The following POC1B variants were observed in gnomAD, a reference collection of about 807,000 sequenced individuals.
POC1B encodes POC1 centriolar protein homolog B.
Under a neutral mutation model 60.6 loss-of-function variants are expected in POC1B, and 44 were observed. The ratio of observed to expected loss-of-function variants is 0.73; its 90% confidence interval spans 0.57 to 0.93. The LOEUF is 0.93. POC1B is among the 40% of genes least tolerant of loss of function. The probability of loss-of-function intolerance (pLI) is 0.00; values close to 1 mark genes in which losing one functional copy is unlikely to be tolerated. For missense variants in POC1B, 555 were observed against 572.3 expected, an observed-to-expected ratio of 0.97 and a Z score of 0.31; for synonymous variants, 180 against 198.9, an observed-to-expected ratio of 0.90 and a Z score of 0.80.
chr12:89,436,585 G>A (rs2120702030), intron 10 of POC1B, among the ~76,000 whole-genome samples: 1 of 152,140 alleles, frequency 6.6e-6, no homozygotes, highest in Non-Finnish European at 1.5e-5. Context: ...TTGGTGGCAT[G>A]TGCCTGTAGT....
chr12:89,443,773 T>C (rs535349395), intron 10 of POC1B, among the ~76,000 whole-genome samples: 3 of 151,350 alleles, frequency 2.0e-5, no homozygotes, highest in South Asian at 2.1e-4. Context: ...CTGAAGGAGA[T>C]AGAGACACAA....
intron 10 of POC1B, among the ~76,000 whole-genome samples, chr12:89,440,558 A>C (rs1327541144): frequency 6.6e-6 from 1 of 152,216 alleles, no homozygotes; most frequent in African/African-American, 2.4e-5. Flanking sequence ...ATTCTCTTAA[A>C]ATTCATTTCT....
chr12:89,435,402 A>G (rs576554448), intron 10 of POC1B, among the ~76,000 whole-genome samples: 28 of 152,304 alleles, frequency 1.8e-4, no homozygotes, highest in African/African-American at 6.5e-4. Context: ...GCTAGTCTCA[A>G]ACTCCTGACC....
intron 9 of POC1B, among the ~76,000 whole-genome samples, chr12:89,465,370 G>A (rs1882647788): frequency 6.6e-6 from 1 of 152,142 alleles, no homozygotes; most frequent in Admixed American, 6.6e-5. Flanking sequence ...AAGCAGTCTC[G>A]GGATCAGCCT....
chr12:89,425,134 A>G (rs778119537), intron 11 of POC1B, 27 bp downstream of exon 11: 15 of 1,607,724 alleles, frequency 9.3e-6, no homozygotes, highest in East Asian at 2.2e-5. Context: ...CCCCAAGTGC[A>G]ACTCATGCAA....
chr12:89,473,360 C>T (rs1882977812), intron 4 of POC1B, among the ~76,000 whole-genome samples: 1 of 152,164 alleles, frequency 6.6e-6, no homozygotes, highest in Non-Finnish European at 1.5e-5. Context: ...AAAGAAGTTC[C>T]ATGTGAAATA....
chr12:89,524,658 TC>T, intron 2 of POC1B: 2 of 1,175,086 alleles, frequency 1.7e-6, no homozygotes, highest in Non-Finnish European at 2.4e-6. Flanking sequence ...GTTCTTCCTT[TC>T]ATGCAGGCGC....
chr12:89,467,010 G>A, intron 8 of POC1B, 88 bp from the exon 9 acceptor site: 1 of 1,050,824 alleles, frequency 9.5e-7, no homozygotes, highest in Non-Finnish European at 1.3e-6. Flanking sequence ...ATACAGAATT[G>A]TCTCCCAAAG....
chr12:89,415,357 A>G (rs1327673940), downstream of POC1B, among the ~76,000 whole-genome samples: 1 of 152,206 alleles, frequency 6.6e-6, no homozygotes, highest in African/African-American at 2.4e-5. Flanking sequence ...ATTAATAACA[A>G]TAATAGCCGG....
chr12:89,411,633 C>T, the POC1B span, among the ~76,000 whole-genome samples: 4 of 145,212 alleles, frequency 2.8e-5, no homozygotes, highest in Non-Finnish European at 3.0e-5. Flanking sequence ...TAGATGTTCT[C>T]GTGAGTAAGA....
At chr12:89,442,197 G>A (rs1881554249) in intron 10 of POC1B, among the ~76,000 whole-genome samples, 1 of 152,194 alleles carries the variant, frequency 6.6e-6, no homozygotes, top group Non-Finnish European at 1.5e-5. Flanking sequence ...TATTATCCAG[G>A]AGAACTTCCC....
At position 89,470,698 on chromosome 12, in the gene POC1B, A is replaced by G. The variant is rs147168579; in HGVS notation, c.677-204T>C. Among the ~76,000 whole-genome samples, 422 of 152,302 alleles carry G rather than the reference A, an allele frequency of 2.8e-3. 1 individual carries two copies. The highest frequency in any genetic ancestry group is 9.4e-3 in the African/African-American group (390 of 41,560). On this transcript the variant is annotated intron_variant, in intron 6 of 11. Coordinates refer to ENST00000313546, the MANE Select transcript of POC1B (RefSeq NM_172240.3). ...GAGCCAGAATAACTTTAAAAATGAG[A>G]CTGTGTCACGGAAAGGTAATCTTAT...
At chr12:89,407,697 G>A in the POC1B span, among the ~76,000 whole-genome samples, 2 of 152,158 alleles carry the variant, frequency 1.3e-5, no homozygotes, top group African/African-American at 2.4e-5. Context: ...GCATATAAAG[G>A]GGTTAAGAAG....
At chr12:89,439,294 A>G (rs1881412896) in intron 10 of POC1B, among the ~76,000 whole-genome samples, 1 of 152,134 alleles carries the variant, frequency 6.6e-6, no homozygotes, top group African/African-American at 2.4e-5. Flanking sequence ...TGGGTCCCAG[A>G]CTTTTTTTTA....
intron 10 of POC1B, among the ~76,000 whole-genome samples, chr12:89,429,913 G>A (rs1880958463): frequency 6.6e-6 from 1 of 152,190 alleles, no homozygotes; most frequent in Admixed American, 6.5e-5. Flanking sequence ...TACAATCATT[G>A]ATTGATCCTA....
At chr12:89,521,383 G>C (rs974354696) in intron 2 of POC1B, 1 of 152,220 alleles carries the variant, frequency 6.6e-6, no homozygotes, top group African/African-American at 2.4e-5. Context: ...GATTACATGC[G>C]TGAGCCACCG....
intron 3 of POC1B, among the ~76,000 whole-genome samples, chr12:89,495,674 T>C (rs2135741541): frequency 6.6e-6 from 1 of 152,292 alleles, no homozygotes; most frequent in East Asian, 1.9e-4. Flanking sequence ...CATTTTTCCA[T>C]GGGACCAGGG....
At chr12:89,476,743 T>TAGACAGACAGAC (rs1319107361) in intron 4 of POC1B, among the ~76,000 whole-genome samples, 1 of 129,190 alleles carries the variant, frequency 7.7e-6, no homozygotes, top group African/African-American at 2.9e-5. Context: ...GATAGATAGA[T>TAGACAGACAGAC]AGATAGATAG....
chr12:89,437,817 A>G (rs10777164), intron 10 of POC1B, among the ~76,000 whole-genome samples: 110,113 of 151,414 alleles, frequency 0.73, 40,052 homozygotes, highest in Middle Eastern at 0.82. Flanking sequence ...GGAGGCCGAG[A>G]CGGGTGGATC....
Sources: gnomAD v4.1 joint callset for allele counts (sites outside exome capture counted in the v4.1 genomes callset) on GRCh38, gnomAD v4.1.1 for gene constraint, MANE v1.5 for transcripts, NCBI Gene and HGNC (gene_info 2026-07-23, HGNC 2026-07-21) for gene names.